The following CACNB2 variants were observed in gnomAD, a reference collection of about 807,000 sequenced individuals.
The protein encoded by CACNB2 is voltage-dependent L-type calcium channel subunit beta-2.
A neutral mutation model predicts 73.3 loss-of-function variants in CACNB2; 42 were observed. The observed-to-expected ratio is 0.57, with a 90% CI of 0.45 to 0.74. The LOEUF is 0.74. CACNB2 is among the 30% of genes least tolerant of loss of function. CACNB2 has a pLI of 0.00. For synonymous variants in CACNB2, 348 were observed against 310.3 expected, an observed-to-expected ratio of 1.12 and a Z score of -1.28; for missense variants, 940 against 853.0, an observed-to-expected ratio of 1.10 and a Z score of -1.27.
chr10:18,502,977 A>C (rs1441109505), intron 5 of CACNB2, among the ~76,000 whole-genome samples: 1 of 152,150 alleles, frequency 6.6e-6, no homozygotes, highest in East Asian at 1.9e-4. Context: ...AAGAAAAAAA[A>C]GTTGCCTGTA....
intron 3 of CACNB2, among the ~76,000 whole-genome samples, chr10:18,459,379 CT>C (rs896395974): frequency 3.9e-5 from 6 of 152,164 alleles, no homozygotes; most frequent in African/African-American, 1.2e-4. Flanking sequence ...TCCCATGGGA[CT>C]TGTGGTTTTC....
chr10:18,387,135 A>G (rs186798173), intron 2 of CACNB2, among the ~76,000 whole-genome samples: 1 of 152,268 alleles, frequency 6.6e-6, no homozygotes, highest in African/African-American at 2.4e-5. Flanking sequence ...TAGAAACTCG[A>G]AGATCCTCCA....
intron 2 of CACNB2, among the ~76,000 whole-genome samples, chr10:18,238,986 A>G (rs564249662): frequency 6.6e-4 from 100 of 152,270 alleles, no homozygotes; most frequent in Admixed American, 1.7e-3. Flanking sequence ...GGAGTGTTTT[A>G]AGATTTGATG....
chr10:18,416,342 T>A (rs1222226466), intron 3 of CACNB2, among the ~76,000 whole-genome samples: 3 of 152,254 alleles, frequency 2.0e-5, no homozygotes, highest in African/African-American at 7.2e-5. Flanking sequence ...CACATTTCTT[T>A]ATCCATTTAT....
intron 5 of CACNB2, among the ~76,000 whole-genome samples, chr10:18,504,315 C>G (rs922288754): frequency 6.6e-6 from 1 of 152,222 alleles, no homozygotes; most frequent in Non-Finnish European, 1.5e-5. Flanking sequence ...CCACGCTGTA[C>G]AGACTTCCAT....
At chr10:18,211,520 C>G (rs2035316219) in intron 2 of CACNB2, among the ~76,000 whole-genome samples, 1 of 152,200 alleles carries the variant, frequency 6.6e-6, no homozygotes, top group East Asian at 1.9e-4. Context: ...TTGTGTAGCA[C>G]TCTTTCCTAC....
At chr10:18,344,485 C>T (rs529640606) in intron 2 of CACNB2, among the ~76,000 whole-genome samples, 145 of 152,024 alleles carry the variant, frequency 9.5e-4, no homozygotes, top group African/African-American at 3.3e-3. Context: ...TCTCCTGCCT[C>T]AGCCTCCCAA....
chr10:18,532,722 A>C (rs552021613), intron 10 of CACNB2, among the ~76,000 whole-genome samples: 56 of 150,324 alleles, frequency 3.7e-4, no homozygotes, highest in African/African-American at 1.3e-3. Flanking sequence ...AACAAACAAA[A>C]AAAACAAAAA....
chr10:18,211,235 G>A (rs1588709535), intron 2 of CACNB2, among the ~76,000 whole-genome samples: 1 of 152,206 alleles, frequency 6.6e-6, no homozygotes, highest in Admixed American at 6.5e-5. Flanking sequence ...CGGGTACTCA[G>A]TAAGTAGGTT....
intron 2 of CACNB2, among the ~76,000 whole-genome samples, chr10:18,175,910 G>C (rs2033562740): frequency 1.3e-5 from 2 of 152,092 alleles, no homozygotes; most frequent in African/African-American, 4.8e-5. Context: ...TGGCTTTTTA[G>C]GTTCAGAACA....
intron 3 of CACNB2, among the ~76,000 whole-genome samples, chr10:18,471,980 T>C (rs1344777674): frequency 6.6e-6 from 1 of 152,168 alleles, no homozygotes. Context: ...GTAACAAATA[T>C]GTCTCACCCC....
chr10:18,490,644 G>A (rs78063525), intron 3 of CACNB2, among the ~76,000 whole-genome samples: 1,661 of 152,224 alleles, frequency 0.011, 33 homozygotes, highest in African/African-American at 0.037. Context: ...CCCAACCAAC[G>A]TAGTATCCTA....
At chr10:18,333,867 C>CG (rs2040898918) in intron 2 of CACNB2, among the ~76,000 whole-genome samples, 1 of 146,788 alleles carries the variant, frequency 6.8e-6, no homozygotes, top group Non-Finnish European at 1.5e-5. Flanking sequence ...CAAAATTCTG[C>CG]CTTTTTTTTT....
intron 2 of CACNB2, among the ~76,000 whole-genome samples, chr10:18,312,360 AT>A (rs1302532105): frequency 2.0e-5 from 3 of 152,166 alleles, no homozygotes; most frequent in South Asian, 4.1e-4. Flanking sequence ...ACATAAAAAA[AT>A]ATTATTTATA....
intron 2 of CACNB2, among the ~76,000 whole-genome samples, chr10:18,202,531 C>G (rs1461218643): frequency 6.6e-6 from 1 of 152,118 alleles, no homozygotes; most frequent in East Asian, 1.9e-4. Flanking sequence ...AAAAACTTCA[C>G]ATTCTCATCT....
At chr10:18,482,333 G>A (rs992360743) in intron 3 of CACNB2, among the ~76,000 whole-genome samples, 4 of 152,070 alleles carry the variant, frequency 2.6e-5, no homozygotes, top group Non-Finnish European at 5.9e-5. Context: ...TGTTTATCAC[G>A]CTGAATCACA....
chr10:18,184,918 C>T (rs954066934), intron 2 of CACNB2, among the ~76,000 whole-genome samples: 1 of 152,100 alleles, frequency 6.6e-6, no homozygotes, highest in African/African-American at 2.4e-5. Context: ...TGGCTCATTG[C>T]AGCTTCAACC....
intron 2 of CACNB2, among the ~76,000 whole-genome samples, chr10:18,349,838 A>T (rs1319595558): frequency 6.6e-6 from 1 of 152,182 alleles, no homozygotes; most frequent in Non-Finnish European, 1.5e-5. Context: ...GGTAAATCCT[A>T]TGTTATGCAT....
intron 2 of CACNB2, among the ~76,000 whole-genome samples, chr10:18,400,419 C>A (rs2043931937): frequency 6.6e-6 from 1 of 152,194 alleles, no homozygotes; most frequent in African/African-American, 2.4e-5. Flanking sequence ...TACTATAGAA[C>A]CGAAGAGACC....
Sources: allele counts gnomAD v4.1 joint callset (sites outside exome capture counted in the v4.1 genomes callset), GRCh38; gene constraint gnomAD v4.1.1; transcripts MANE v1.5; gene names NCBI Gene and HGNC (gene_info 2026-07-23, HGNC 2026-07-21).